Variants in TOP3A observed in about 807,000 individuals in gnomAD.
The protein encoded by TOP3A is DNA topoisomerase 3-alpha.
In TOP3A, 64 loss-of-function variants were observed where a neutral mutation model predicts 111.3. The observed-to-expected ratio is 0.57, with a 90% CI of 0.47 to 0.71. The LOEUF (loss-of-function observed/expected upper bound fraction) is 0.71. TOP3A is among the 30% of genes least tolerant of loss of function. TOP3A has a pLI of 0.00. For synonymous variants in TOP3A, 484 were observed against 485.1 expected, an observed-to-expected ratio of 1.00 and a Z score of 0.03; for missense variants, 1,104 against 1,285.0, an observed-to-expected ratio of 0.86 and a Z score of 2.15.
At chr17:18,282,973 G>T in intron 15 of TOP3A, 132 bp from the exon 16 acceptor site, 1 of 1,179,844 alleles carries the variant, frequency 8.5e-7, no homozygotes, top group Non-Finnish European at 1.2e-6. Context: ...CTCCTGCAGA[G>T]AACAGACGGC....
In TOP3A at chr17:18,306,981, A is replaced by G. The variant is rs1380465761; in HGVS notation, c.315-15T>C. ...TGCAGCTCTGCCTAGAAAAGAAATG[A>G]AAACAGAGTCCCAACTCAGTACATG... On this transcript the variant is annotated splice_polypyrimidine_tract_variant and intron_variant, in intron 3 of 18. Coordinates refer to ENST00000321105, the MANE Select transcript of TOP3A (RefSeq NM_004618.5). The G allele has an allele frequency of 1.2e-6, 2 of 1,601,482 alleles. No individual in the cohort carries two copies. The highest frequency in any genetic ancestry group is 1.7e-6 in the Non-Finnish European group (2 of 1,169,684).
At position 18,295,852 on chromosome 17, in the gene TOP3A, T is replaced by C. The variant is rs577271048; in HGVS notation, c.991-1067A>G. ...CGTGATCTCGGCTCACTGTAAGCTC[T>C]GCCTCCTGGGTTCACGCCAATTCTC... On this transcript the variant is annotated intron_variant, in intron 9 of 18. Transcript: ENST00000321105. 4.0e-5 allele frequency among the ~76,000 whole-genome samples: 6 copies of C among 151,510 alleles called. No individual in the cohort carries two copies. In the South Asian group the frequency reaches 1.0e-3, roughly 26 times the overall value.
chr17:18,274,961 G>C lies in TOP3A; in HGVS notation c.2847C>G (p.Ser949=). 3 of 1,613,878 alleles carry C rather than the reference G, an allele frequency of 1.9e-6. No individual in the cohort carries two copies. Among genetic ancestry groups the C allele is most frequent in the Non-Finnish European group, 2.5e-6 (3 of 1,179,928 alleles). Reference sequence around the variant, plus strand: ...GGGTTCTTCCTCTGTCTCCTGTCCAGGACGGGGCTCCAGAAGTCCCTGTCG... The same window carrying C: ...GGGTTCTTCCTCTGTCTCCTGTCCACGACGGGGCTCCAGAAGTCCCTGTCG... The part of the protein sequence containing the change: ...NTAPGTSGAP[S]WTGDRGRTLE... Residue 949 remains serine, a synonymous_variant, in exon 19 of 19, where the codon TCC becomes TCG. Transcript: ENST00000321105.
At chr17:18,280,482 G>A in intron 17 of TOP3A, 54 bp downstream of exon 17, 1 of 1,584,424 alleles carries the variant, frequency 6.3e-7, no homozygotes, top group African/African-American at 1.3e-5. Context: ...AGGAGCAAGG[G>A]AAAGATGGTG....
rs1451018189 is a variant in TOP3A, at chr17:18,278,157, T to G, written c.2345A>C (p.Gln782Pro). Reference protein sequence around the residue: ...LNRMDNSQHPQPADSRQTGSS... With the variant: ...LNRMDNSQHPPPADSRQTGSS... ...CCCAGTCTGTCTGCTGTCAGCAGGC[T>G]GGGGGTGCTGGCTGTTGTCCATCCT... Residue 782 changes from glutamine to proline, a missense_variant, in exon 18 of 19, where the codon CAG becomes CCG. Physicochemically the swap from Gln to Pro is moderately conservative, Grantham distance 76 (BLOSUM62 -1). Transcript: ENST00000321105. 1.2e-6 allele frequency: 2 copies of G among 1,613,982 alleles called. No homozygotes were observed. Among genetic ancestry groups the G allele is most frequent in the Non-Finnish European group, 1.7e-6 (2 of 1,179,990 alleles).
intron 1 of TOP3A, 43 bp downstream of exon 1, chr17:18,314,556 G>C: frequency 6.4e-7 from 1 of 1,560,098 alleles, no homozygotes; most frequent in South Asian, 1.2e-5. Flanking sequence ...CGCTCGGTGG[G>C]CCTCCCTTAA....
chr17:18,305,035 A>T, intron 5 of TOP3A, 77 bp downstream of exon 5: 1 of 1,197,338 alleles, frequency 8.4e-7, no homozygotes, highest in Non-Finnish European at 1.2e-6. Flanking sequence ...TCCGTGGCCC[A>T]TGTGCACATA....
In TOP3A at chr17:18,305,486, A is replaced by ACG. The variant is rs34041678; in HGVS notation, c.391-268_391-267dup. Among the ~76,000 whole-genome samples the ACG allele has an allele frequency of 6.4e-3, 950 of 149,496 alleles. 4 individuals are homozygous for ACG. The highest frequency in any genetic ancestry group is 0.028 in the East Asian group (140 of 5,022). On this transcript the variant is annotated intron_variant, in intron 4 of 18. Coordinates refer to ENST00000321105, the MANE Select transcript of TOP3A (RefSeq NM_004618.5). ...TGAAATTCAGCTCTAACACACACAC[A>ACG]CGCGCGCGCGCGCGCGCGCACGCAC...
chr17:18,279,996 C>A (rs370575589), intron 17 of TOP3A, among the ~76,000 whole-genome samples: 3 of 151,894 alleles, frequency 2.0e-5, no homozygotes, highest in Non-Finnish European at 4.4e-5. Context: ...ACTAAAAATA[C>A]AAAAAGTGGT....
At chr17:18,287,947 G>C (rs1383501044) in intron 13 of TOP3A, among the ~76,000 whole-genome samples, 1 of 151,608 alleles carries the variant, frequency 6.6e-6, no homozygotes, top group African/African-American at 2.4e-5. Context: ...GCAGTGAGCA[G>C]AGATTGTGCC....
Position 18,282,750 on chromosome 17 carries a change from T to A in TOP3A, c.1969A>T (p.Lys657Ter), listed in dbSNP as rs1382540769. 6.2e-7 allele frequency: 1 copy of A among 1,614,004 alleles called. No homozygotes were observed. Among genetic ancestry groups the A allele is most frequent in the Non-Finnish European group, 8.5e-7 (1 of 1,180,026 alleles). The change falls in exon 16 of 19, where the codon AAG becomes TAG. Residue 657 changes from lysine (K) to a stop codon, truncating the protein, a stop_gained. Transcript: ENST00000321105. LOFTEE classifies it high-confidence loss of function. ...ATGTCCTTGTTGCACTGTGGGCACT[T>A]CCTGATGGGCTCTGGCATGGCTGGG... is the stretch of plus-strand genomic sequence containing the variant. The part of the protein sequence containing the change: ...IYPAMPEPIR[K>*]CPQCNKDMVL...
rs759705124 is a variant in TOP3A, at chr17:18,285,468, G to A, written c.1650C>T (p.Tyr550=). Reference sequence around the variant, plus strand: ...ACCGCTTGTCTGGGGTGAGGCCCACGTACATCCGGGCTTTGATGGTCTCGA... The same window carrying A: ...ACCGCTTGTCTGGGGTGAGGCCCACATACATCCGGGCTTTGATGGTCTCGA... The part of the protein sequence containing the change: ...EHIETIKARM[Y]VGLTPDKRFL... The change falls in exon 14 of 19, where the codon TAC becomes TAT. Residue 550 remains tyrosine, a synonymous_variant. Coordinates refer to ENST00000321105, the MANE Select transcript of TOP3A (RefSeq NM_004618.5). 7 of 1,614,060 alleles carry A rather than the reference G, an allele frequency of 4.3e-6. No homozygotes were observed. Among genetic ancestry groups the A allele is most frequent in the Non-Finnish European group, 5.9e-6 (7 of 1,180,024 alleles).
intron 5 of TOP3A, among the ~76,000 whole-genome samples, chr17:18,304,016 G>C (rs1981403319): frequency 6.6e-6 from 1 of 152,110 alleles, no homozygotes; most frequent in Non-Finnish European, 1.5e-5. Context: ...CCAGGCTGGA[G>C]TGCAGTGGTG....
chr17:18,287,842 A>G (rs962849416), intron 13 of TOP3A, among the ~76,000 whole-genome samples: 8 of 151,682 alleles, frequency 5.3e-5, no homozygotes, highest in Non-Finnish European at 8.8e-5. Context: ...ACTAAAAATA[A>G]CAAAAATTAG....
rs139657638 is a variant in TOP3A at position 18,311,355 on chromosome 17, G to A, written c.181-2414C>T. 1.9e-3 allele frequency among the ~76,000 whole-genome samples: 284 copies of A among 148,852 alleles called. 1 individual carries two copies. Among genetic ancestry groups the A allele is most frequent in the Middle Eastern group, 7.3e-3 (2 of 274 alleles). On this transcript the variant is annotated intron_variant, in intron 1 of 18. Coordinates refer to ENST00000321105, the MANE Select transcript of TOP3A (RefSeq NM_004618.5). Reference sequence around the variant, plus strand: ...GTCGCCCAGGCTGTAATGTAATGGCGCAATCTAGGCTCACTGCAAGCTCCA... The same window carrying A: ...GTCGCCCAGGCTGTAATGTAATGGCACAATCTAGGCTCACTGCAAGCTCCA...
At position 18,290,934 on chromosome 17, in the gene TOP3A, C is replaced by T. The variant is rs28671051; in HGVS notation, c.1375G>A (p.Asp459Asn). Residue 459 changes from aspartate (D) to asparagine (N), a missense_variant, in exon 12 of 19, where the codon GAC (aspartate) becomes AAC (asparagine). Physicochemically the swap from Asp to Asn is conservative, Grantham distance 23 (BLOSUM62 1). Transcript: ENST00000321105. ...GCCACAAAGCGTTCCTGAGCGATGT[C>T]GATCTCCACTGTGGTCTCCTGCCCC... Reference protein sequence around the residue: ...AQGQETTVEIDIAQERFVAHG... With the variant: ...AQGQETTVEINIAQERFVAHG... The T allele has an allele frequency of 0.013, 21,655 of 1,614,052 alleles. 1,323 individuals are homozygous for T. In the African/African-American group the frequency reaches 0.18, roughly 13 times the overall value.
chr17:18,283,255 G>C (rs1240153851), intron 15 of TOP3A, among the ~76,000 whole-genome samples: 2 of 152,036 alleles, frequency 1.3e-5, no homozygotes, highest in Non-Finnish European at 2.9e-5. Flanking sequence ...TGTAATCCAA[G>C]CTACTCAGGA....
At position 18,273,516 on chromosome 17, in the gene TOP3A, C is replaced by T. The variant is rs752791629; in HGVS notation, c.*1286G>A. ...GACAGCCATGAAGGACAGAGGCTGA[C>T]GAGACCTCCCAGGGTGAGCTCCTTC... On this transcript the variant is annotated 3_prime_UTR_variant, in exon 19 of 19. Transcript: ENST00000321105. 1.3e-5 allele frequency among the ~76,000 whole-genome samples: 2 copies of T among 152,196 alleles called. No homozygotes were observed. Among genetic ancestry groups the T allele is most frequent in the Non-Finnish European group, 2.9e-5 (2 of 68,034 alleles).
In TOP3A at chr17:18,301,812, G is replaced by A. The variant is rs146066191; in HGVS notation, c.915+73C>T. On this transcript the variant is annotated intron_variant, in intron 8 of 18. Transcript: ENST00000321105. Reference sequence around the variant, plus strand: ...TAAAGTCCAATGGGAGAATGAGACAGATCACCTCTGCCGACAGTGGGAGTG... The same window carrying A: ...TAAAGTCCAATGGGAGAATGAGACAAATCACCTCTGCCGACAGTGGGAGTG... 3.1e-4 allele frequency: 405 copies of A among 1,287,034 alleles called. 1 individual carries two copies. The African/African-American group carries it at 3.8e-3, about 12-fold the overall frequency. The allele number at this position is 1,287,034 out of a possible 1,614,324, so 79.7% of individuals were successfully genotyped here.
Sources: allele counts gnomAD v4.1 joint callset (sites outside exome capture counted in the v4.1 genomes callset), GRCh38; gene constraint gnomAD v4.1.1; transcripts MANE v1.5; gene names NCBI Gene and HGNC (gene_info 2026-07-23, HGNC 2026-07-21).